DLEC1: variants seen among roughly 807,000 people sequenced by gnomAD.
The protein encoded by DLEC1 is DLEC1 cilia and flagella associated protein.
A neutral mutation model predicts 198.1 loss-of-function variants in DLEC1; 146 were observed. That is an observed-to-expected ratio of 0.74 (90% CI 0.64 to 0.85). The LOEUF is 0.85. Among genes scored for constraint, DLEC1 ranks in the 40% least tolerant of loss-of-function variants. The pLI is 0.00. For synonymous variants in DLEC1, 897 were observed against 866.8 expected (o/e 1.03, Z -0.61); for missense variants, 2,233 against 2,220.0 (o/e 1.01, Z -0.12).
At chr3:38,071,944 G>A (rs547342221) in intron 6 of DLEC1, among the ~76,000 whole-genome samples, 36 of 152,280 alleles carry the variant, frequency 2.4e-4, no homozygotes, top group Middle Eastern at 6.8e-3. Context: ...GTGGAGGGGG[G>A]CAGAGTGGTA....
chr3:38,039,264 G>C lies in DLEC1; in HGVS notation c.39G>C (p.Ala13=). 6.2e-7 allele frequency: 1 copy of C among 1,613,546 alleles called. No homozygotes were observed. Among genetic ancestry groups the C allele is most frequent in the Non-Finnish European group, 8.5e-7 (1 of 1,179,672 alleles). The change falls in exon 1 of 37, where the codon GCG becomes GCC. Residue 13 remains alanine, a synonymous_variant. Coordinates refer to ENST00000308059, the MANE Select transcript of DLEC1 (RefSeq NM_007335.4). The stretch of plus-strand genomic sequence containing the variant: ...GCTCCAAAACGCGGAGGTCTTTAGC[G>C]TCCCGGACCAACGAGTGCCAGGGGA... ...TRSSKTRRSL[A]SRTNECQGTM...
chr3:38,110,034 C>G (rs1463424653), intron 22 of DLEC1, 65 bp from the exon 23 acceptor site: 29 of 1,567,240 alleles, frequency 1.9e-5, no homozygotes, highest in Non-Finnish European at 2.5e-5. Context: ...CCCAAGATGG[C>G]TCCCTGGGCA....
chr3:38,116,506 G>A lies in DLEC1; in HGVS notation c.3910G>A (p.Val1304Met), dbSNP rs1700168709. 1 of 1,614,138 alleles carries A rather than the reference G, an allele frequency of 6.2e-7. No homozygotes were observed. Among genetic ancestry groups the A allele is most frequent in the Non-Finnish European group, 8.5e-7 (1 of 1,180,000 alleles). ...TCCAGAAGACAAGGAAGACCGGCTG[G>A]TGGAGCTGCTGGTGTTTTATGGGCC... The part of the protein sequence containing the change: ...YVPEDKEDRL[V>M]ELLVFYGPPF... The change falls in exon 28 of 37, where the codon GTG (valine) becomes ATG (methionine). Residue 1304 changes from valine to methionine, a missense_variant. By Grantham distance (21) the Val-to-Met change is conservative. Transcript: ENST00000308059.
chr3:38,116,378 T>C, intron 27 of DLEC1, 75 bp from the exon 28 acceptor site: 2 of 1,428,862 alleles, frequency 1.4e-6, no homozygotes, highest in Non-Finnish European at 9.7e-7. Context: ...TGTCTGGGGG[T>C]ATGAGGAGGA....
intron 1 of DLEC1, among the ~76,000 whole-genome samples, chr3:38,039,980 T>A (rs1700579405): frequency 6.6e-6 from 1 of 152,200 alleles, no homozygotes; most frequent in African/African-American, 2.4e-5. Context: ...GTCACCCGGC[T>A]TTGGGGTGCC....
At chr3:38,076,838 G>A (rs375377683) in intron 6 of DLEC1, among the ~76,000 whole-genome samples, 7 of 152,160 alleles carry the variant, frequency 4.6e-5, no homozygotes, top group South Asian at 2.1e-4. Flanking sequence ...GATAATGGGC[G>A]ATGTTTCTCA....
In DLEC1 at chr3:38,096,557, G is replaced by T. The variant is rs1180460586; in HGVS notation, c.2172-12G>T. On this transcript the variant is annotated splice_polypyrimidine_tract_variant and intron_variant, in intron 14 of 36. Coordinates refer to ENST00000308059, the MANE Select transcript of DLEC1 (RefSeq NM_007335.4). ...TGTGCCGGCTCCTAGCTAACGGTGG[G>T]TTTGTGTTTAGTTCAGAAGCGGAGA... 6.2e-7 allele frequency: 1 copy of T among 1,608,186 alleles called. No individual in the cohort carries two copies. The highest frequency in any genetic ancestry group is 1.1e-5 in the South Asian group (1 of 90,514).
Position 38,122,138 on chromosome 3 carries a change from A to C in DLEC1, c.5088A>C (p.Ala1696=), listed in dbSNP as rs758815592. The C allele has an allele frequency of 1.9e-6, 3 of 1,614,102 alleles. No homozygotes were observed. The highest frequency in any genetic ancestry group is 2.5e-6 in the Non-Finnish European group (3 of 1,179,974). Residue 1696 remains alanine (A), a synonymous_variant, in exon 36 of 37, where the codon GCA becomes GCC. Transcript: ENST00000308059. ...CCCCAAACAGTGGGCTGCTAGAAGC[A>C]CGATCCGCCAATGCACCCCCAACCT... The part of the protein sequence containing the change: ...RVSPNSGLLE[A]RSANAPPTSI...
chr3:38,081,631 T>C (rs1575163443), intron 6 of DLEC1, among the ~76,000 whole-genome samples: 1 of 78,700 alleles, frequency 1.3e-5, no homozygotes, highest in Non-Finnish European at 2.4e-5. Context: ...CCCCCCCACC[T>C]CCCTCCCGGA....
intron 8 of DLEC1, among the ~76,000 whole-genome samples, chr3:38,085,862 G>T (rs536729037): frequency 6.6e-6 from 1 of 152,264 alleles, no homozygotes; most frequent in East Asian, 1.9e-4. Flanking sequence ...CTTCAGCTGG[G>T]CTCCCTCAGC....
rs1322456179 is a variant in DLEC1 at position 38,123,478 on chromosome 3, T to G, written c.*1066T>G. 1 of 189,462 alleles carries G rather than the reference T, an allele frequency of 5.3e-6. No homozygotes were observed. Among genetic ancestry groups the G allele is most frequent in the African/African-American group, 2.3e-5 (1 of 42,636 alleles). 11.7% of individuals were successfully genotyped at this position (189,462 alleles called of 1,614,324 possible). A position where few individuals can be genotyped will look rare whatever the true frequency, so the allele number is the denominator to read the frequency against. On this transcript the variant is annotated 3_prime_UTR_variant, in exon 37 of 37. Coordinates refer to ENST00000308059, the MANE Select transcript of DLEC1 (RefSeq NM_007335.4). The stretch of plus-strand genomic sequence containing the variant: ...TGAAATCCTGGAAGAACAAAATCCC[T>G]AAAGTCTAAAATCCTGAAAATCACA...
At chr3:38,058,602 AAATC>A (rs1696508909) in intron 2 of DLEC1, among the ~76,000 whole-genome samples, 1 of 152,268 alleles carries the variant, frequency 6.6e-6, no homozygotes, top group Non-Finnish European at 1.5e-5. Flanking sequence ...TGGTTTTTAA[AAATC>A]AAATAGTTTA....
chr3:38,111,594 ATGCTGGT>A, intron 23 of DLEC1, 76 bp from the exon 24 acceptor site: 1 of 1,465,050 alleles, frequency 6.8e-7, no homozygotes, highest in Non-Finnish European at 9.3e-7. Flanking sequence ...ACCTGGTAGA[ATGCTGGT>A]TGCTCTAGAA....
Position 38,121,663 on chromosome 3 carries a change from G to A in DLEC1, c.4902G>A (p.Glu1634=), listed in dbSNP as rs1405264453. Residue 1634 remains glutamate, a synonymous_variant, in exon 35 of 37, where the codon GAG becomes GAA. Coordinates refer to ENST00000308059, the MANE Select transcript of DLEC1 (RefSeq NM_007335.4). ...TGCGGGCTGTGGTGGCCGTGCCTGAGCTGCAGCTCTCCACCAGCTGGGTGG... is the reference window on the plus strand; with the variant it reads ...TGCGGGCTGTGGTGGCCGTGCCTGAACTGCAGCTCTCCACCAGCTGGGTGG... ...VPLRAVVAVP[E]LQLSTSWVDF... 1.2e-6 allele frequency: 2 copies of A among 1,614,032 alleles called. No individual in the cohort carries two copies. The highest frequency in any genetic ancestry group is 3.3e-5 in the Admixed American group (2 of 60,016).
chr3:38,107,557 T>C, intron 19 of DLEC1, 27 bp from the exon 20 acceptor site: 2 of 1,562,696 alleles, frequency 1.3e-6, no homozygotes, highest in Non-Finnish European at 1.7e-6. Context: ...TTCTAATCAG[T>C]ATGCCTTTTG....
chr3:38,085,205 C>A, intron 7 of DLEC1, 69 bp from the exon 8 acceptor site: 2 of 1,562,840 alleles, frequency 1.3e-6, no homozygotes, highest in South Asian at 1.1e-5. Context: ...GGGGTCTGTA[C>A]CAGCTGAGCT....
rs769148934 is a variant in DLEC1 at position 38,112,264 on chromosome 3, T to C, written c.3569T>C (p.Phe1190Ser). ...AAAGGAGCTGCTTTCTTCCCTCACT[T>C]TTCCCAGGGCATGCTGGGGCCCTAC... ...HGKGAAFFPH[F>S]SQGMLGPYQQ... The change falls in exon 25 of 37, where the codon TTT (phenylalanine) becomes TCT (serine). Residue 1190 changes from phenylalanine to serine, a missense_variant. By Grantham distance (155) the Phe-to-Ser change is radical. Coordinates refer to ENST00000308059, the MANE Select transcript of DLEC1 (RefSeq NM_007335.4). The surrounding 1 kb of genome is among the most constrained non-coding windows in gnomAD (Gnocchi z 4.8). 5.0e-6 allele frequency: 8 copies of C among 1,614,168 alleles called. No individual in the cohort carries two copies. The highest frequency in any genetic ancestry group is 5.9e-6 in the Non-Finnish European group (7 of 1,180,008).
chr3:38,120,734 G>C, intron 34 of DLEC1, 125 bp downstream of exon 34: 1 of 1,338,192 alleles, frequency 7.5e-7, no homozygotes, highest in Non-Finnish European at 1.0e-6. Context: ...CCCTGTCCTG[G>C]GGCTCAGTCT....
chr3:38,096,534 T>A, intron 14 of DLEC1, 35 bp from the exon 15 acceptor site: 2 of 1,592,746 alleles, frequency 1.3e-6, no homozygotes, highest in East Asian at 4.5e-5. Context: ...CTTCCAGGTG[T>A]GCCGGCTCCT....
Sources: allele counts gnomAD v4.1 joint callset (sites outside exome capture counted in the v4.1 genomes callset), GRCh38; gene constraint gnomAD v4.1.1; non-coding constraint Gnocchi (gnomAD v3.1); transcripts MANE v1.5; gene names NCBI Gene and HGNC (gene_info 2026-07-23, HGNC 2026-07-21).